The following NEK4 variants were observed in gnomAD, a reference collection of about 807,000 sequenced individuals.
NEK4 encodes the protein NIMA related kinase 4, also known as serine/threonine-protein kinase Nek4.
Under a neutral mutation model 98.4 loss-of-function variants are expected in NEK4, and 86 were observed. That is an observed-to-expected ratio of 0.87 (90% CI 0.73 to 1.05). NEK4 has a LOEUF of 1.05. NEK4 is among the 50% of genes least tolerant of loss of function. The pLI is 0.00. For synonymous variants in NEK4, 328 were observed against 342.2 expected, an observed-to-expected ratio of 0.96 and a Z score of 0.46; for missense variants, 898 against 950.3, an observed-to-expected ratio of 0.94 and a Z score of 0.72.
rs2097348678 is a variant in NEK4, at chr3:52,709,891, G to A, written c.*1886C>T. 1 of 152,126 alleles carries A rather than the reference G, an allele frequency of 6.6e-6. No individual in the cohort carries two copies. The highest frequency in any genetic ancestry group is 2.1e-4 in the South Asian group (1 of 4,834). The allele number at this position is 152,126 out of a possible 1,614,324, so 9.4% of individuals were successfully genotyped here. Reference sequence around the variant, plus strand: ...GTTTGCCAAAGATTTGTTCCCAACTGGGCATTGGGACTTGATGGTTTTGCA... The same window carrying A: ...GTTTGCCAAAGATTTGTTCCCAACTAGGCATTGGGACTTGATGGTTTTGCA... On this transcript the variant is annotated 3_prime_UTR_variant, in exon 16 of 16. Coordinates refer to ENST00000233027, the MANE Select transcript of NEK4 (RefSeq NM_003157.6).
intron 15 of NEK4, among the ~76,000 whole-genome samples, chr3:52,726,356 T>C (rs2097364552): frequency 6.6e-6 from 1 of 152,200 alleles, no homozygotes; most frequent in East Asian, 1.9e-4. Flanking sequence ...CCCAGCACTT[T>C]AGGAGGCTGA....
chr3:52,731,283 A>C lies in NEK4; in HGVS notation c.2433+6303T>G, dbSNP rs568005055. Among the ~76,000 whole-genome samples, 288 of 152,342 alleles carry C rather than the reference A, an allele frequency of 1.9e-3. 2 individuals are homozygous for C. Among genetic ancestry groups the C allele is most frequent in the Non-Finnish European group, 4.3e-4 (29 of 68,038 alleles). ...TTTCTTTCTTCTCTCAATTTCTTTA[A>C]GACAGCTGGCTTCTTTGTGGAAATT... On this transcript the variant is annotated intron_variant, in intron 15 of 15. Transcript: ENST00000233027.
intron 6 of NEK4, among the ~76,000 whole-genome samples, chr3:52,756,663 A>AT (rs1280747972): frequency 1.1e-4 from 16 of 152,234 alleles, no homozygotes; most frequent in African/African-American, 3.6e-4. Flanking sequence ...AGAAGAAGAC[A>AT]TAAGGCAAAG....
At chr3:52,738,403 CT>C (rs549590598) in intron 14 of NEK4, among the ~76,000 whole-genome samples, 15,900 of 128,154 alleles carry the variant, frequency 0.12, 2,111 homozygotes, top group African/African-American at 0.35. Context: ...CACACCAAGC[CT>C]TTTTTTTTTT....
intron 1 of NEK4, 80 bp from the exon 2 acceptor site, chr3:52,768,684 G>C (rs1698671314): frequency 7.9e-6 from 11 of 1,394,256 alleles, no homozygotes; most frequent in Middle Eastern, 2.1e-4. Flanking sequence ...GGGCTCTCAA[G>C]AATACCCTCA....
chr3:52,751,931 C>A lies in NEK4; in HGVS notation c.1368+1G>T, dbSNP rs766711527. Reference sequence around the variant, plus strand: ...GTATCTCATGTGTGCATATCACTCACCTGGTCCTTTGGCTTTTGTTCTTTG... The same window carrying A: ...GTATCTCATGTGTGCATATCACTCAACTGGTCCTTTGGCTTTTGTTCTTTG... On this transcript the variant is annotated splice_donor_variant, in intron 7 of 15. Coordinates refer to ENST00000233027, the MANE Select transcript of NEK4 (RefSeq NM_003157.6). LOFTEE classifies it high-confidence loss of function. 1 of 1,611,944 alleles carries A rather than the reference C, an allele frequency of 6.2e-7. No homozygotes were observed. Among genetic ancestry groups the A allele is most frequent in the East Asian group, 2.2e-5 (1 of 44,890 alleles).
intron 4 of NEK4, among the ~76,000 whole-genome samples, chr3:52,765,413 C>A (rs1446629656): frequency 6.6e-6 from 1 of 151,444 alleles, no homozygotes; most frequent in Admixed American, 6.6e-5. Context: ...CTATAAAGGG[C>A]AACTAGCCTC....
intron 2 of NEK4, 107 bp from the exon 3 acceptor site, chr3:52,766,482 G>C (rs562652257): frequency 6.7e-6 from 5 of 747,972 alleles, no homozygotes; most frequent in Non-Finnish European, 1.1e-5. Context: ...GTCTTTGACC[G>C]TAAAGAGTAA....
At chr3:52,723,443 C>T (rs919320128) in intron 15 of NEK4, among the ~76,000 whole-genome samples, 14 of 151,864 alleles carry the variant, frequency 9.2e-5, no homozygotes, top group Non-Finnish European at 1.5e-4. Flanking sequence ...GGGGTTTTAC[C>T]ATGTTGGTCA....
intron 15 of NEK4, among the ~76,000 whole-genome samples, chr3:52,729,623 G>A (rs938210050): frequency 6.7e-6 from 1 of 149,578 alleles, no homozygotes; most frequent in African/African-American, 2.5e-5. Flanking sequence ...TGGGAGAATC[G>A]CTTGAACCCG....
intron 12 of NEK4, among the ~76,000 whole-genome samples, chr3:52,741,905 G>C (rs1299120864): frequency 6.6e-6 from 1 of 151,896 alleles, no homozygotes; most frequent in Non-Finnish European, 1.5e-5. Flanking sequence ...TCAGCCTCCC[G>C]AGTAGCTGGG....
At chr3:52,721,023 G>A (rs192587698) in intron 15 of NEK4, among the ~76,000 whole-genome samples, 5 of 152,246 alleles carry the variant, frequency 3.3e-5, no homozygotes, top group Non-Finnish European at 5.9e-5. Context: ...TCTCTTTTAC[G>A]TAACTATTTA....
Position 52,743,370 on chromosome 3 carries a change from AGAG to A in NEK4, c.1983_1985del (p.Ser662del). 1 of 1,614,044 alleles carries A rather than the reference AGAG, an allele frequency of 6.2e-7. No individual in the cohort carries two copies. The highest frequency in any genetic ancestry group is 8.5e-7 in the Non-Finnish European group (1 of 1,179,928). On this transcript the variant is annotated inframe_deletion, in exon 12 of 16. Transcript: ENST00000233027. Reference sequence around the variant, plus strand: ...AATGCACCTGAGTGACGCTGCAGTCAGAGGAGAGCCGTCGGGCAGGCAAGGGCT... The same window carrying A: ...AATGCACCTGAGTGACGCTGCAGTCAGAGAGCCGTCGGGCAGGCAAGGGCT...
intron 2 of NEK4, among the ~76,000 whole-genome samples, chr3:52,766,902 C>T (rs1421015258): frequency 1.3e-5 from 2 of 151,974 alleles, no homozygotes; most frequent in South Asian, 2.1e-4. Context: ...AGGAGAATGG[C>T]GTGAACCCGG....
chr3:52,716,447 GCT>G (rs897878412), intron 15 of NEK4, among the ~76,000 whole-genome samples: 5 of 152,200 alleles, frequency 3.3e-5, no homozygotes, highest in Admixed American at 1.3e-4. Context: ...GTCGTATGAA[GCT>G]CTCTCTGTTT....
chr3:52,742,137 A>G (rs992779426), intron 12 of NEK4, among the ~76,000 whole-genome samples: 3 of 152,194 alleles, frequency 2.0e-5, no homozygotes, highest in Non-Finnish European at 2.9e-5. Flanking sequence ...TCCAGAGGAC[A>G]GTGGATGGCT....
At chr3:52,753,574 G>T in intron 6 of NEK4, 1 of 552,628 alleles carries the variant, frequency 1.8e-6, no homozygotes, top group East Asian at 4.9e-5. Flanking sequence ...GAAACGATCT[G>T]AAGCTGAAAA....
chr3:52,751,882 C>T (rs1187665610), intron 7 of NEK4, 50 bp downstream of exon 7: 1 of 1,530,266 alleles, frequency 6.5e-7, no homozygotes, highest in East Asian at 2.3e-5. Flanking sequence ...TGTAACTGCA[C>T]TTTCAGTCTT....
intron 15 of NEK4, among the ~76,000 whole-genome samples, chr3:52,737,162 T>C (rs770128570): frequency 6.6e-6 from 1 of 152,090 alleles, no homozygotes; most frequent in Admixed American, 6.6e-5. Context: ...CAGGCTGGTC[T>C]GGTACTCCTG....
Sources: gnomAD v4.1 joint callset for allele counts (sites outside exome capture counted in the v4.1 genomes callset) on GRCh38, gnomAD v4.1.1 for gene constraint, MANE v1.5 for transcripts, NCBI Gene and HGNC (gene_info 2026-07-23, HGNC 2026-07-21) for gene names.